SPATA22: variants seen among roughly 807,000 people sequenced by gnomAD.
SPATA22 encodes spermatogenesis-associated protein 22.
A neutral mutation model predicts 47.8 loss-of-function variants in SPATA22; 29 were observed. That is an observed-to-expected ratio of 0.61 (90% CI 0.45 to 0.83). SPATA22 has a LOEUF of 0.83. Among genes scored for constraint, SPATA22 ranks in the 40% least tolerant of loss-of-function variants. The pLI is 0.00. For synonymous variants in SPATA22, 133 were observed against 140.9 expected (o/e 0.94, Z 0.40); for missense variants, 410 against 421.7 (o/e 0.97, Z 0.24).
chr17:3,462,699 C>G lies in SPATA22; in HGVS notation c.233+8G>C. The G allele has an allele frequency of 6.2e-7, 1 of 1,610,186 alleles. No homozygotes were observed. ...CACACATCCAATGGTTTATATTTCT[C>G]CACATACCCGGTGTCCACTGTTTTC... On this transcript the variant is annotated splice_region_variant and intron_variant, in intron 4 of 8. Transcript: ENST00000572969.
chr17:3,505,260 C>T lies in SPATA22; in HGVS notation c.-74+8152G>A, dbSNP rs139066236. 4.4e-3 allele frequency among the ~76,000 whole-genome samples: 674 copies of T among 152,276 alleles called. 7 individuals carry two copies. Among genetic ancestry groups the T allele is most frequent in the African/African-American group, 0.016 (648 of 41,552 alleles). ...TTGCAACCGTAATGCTTTATGACAC[C>T]GGGGCAGGTGAAGTTATTGTCTGTC... On this transcript the variant is annotated intron_variant, in intron 1 of 8. Coordinates refer to the SPATA22 transcript ENST00000541913.
At chr17:3,491,798 C>T (rs2073830259) in intron 1 of SPATA22, among the ~76,000 whole-genome samples, 1 of 151,454 alleles carries the variant, frequency 6.6e-6, no homozygotes, top group African/African-American at 2.4e-5. Flanking sequence ...AAATTCAACA[C>T]ATTTTCTGTG....
At chr17:3,470,093 CAAAA>C (rs57432043) in intron 1 of SPATA22, among the ~76,000 whole-genome samples, 1 of 54,304 alleles carries the variant, frequency 1.8e-5, no homozygotes, top group East Asian at 6.2e-4. Flanking sequence ...GACTCCATCT[CAAAA>C]AAAAAAAAAA....
intron 1 of SPATA22, chr17:3,501,800 C>T (rs1168566327): frequency 6.6e-6 from 1 of 152,092 alleles, no homozygotes; most frequent in Non-Finnish European, 1.5e-5. Flanking sequence ...AAAATACCAA[C>T]ATATTAGCCA....
At position 3,471,391 on chromosome 17, in the gene SPATA22, C is replaced by A. The variant is rs76430945; in HGVS notation, c.-74+291G>T. On this transcript the variant is annotated intron_variant, in intron 1 of 8. Transcript: ENST00000572969. The stretch of plus-strand genomic sequence containing the variant: ...AAATTTTTAAGTGTAACATTCCACC[C>A]GCGGGACCATTGATCCTGAGGGCGG... The A allele has an allele frequency of 8.1e-4, 798 of 980,426 alleles. 6 individuals are homozygous for A. The African/African-American group carries it at 0.013, about 16-fold the overall frequency. 60.7% of individuals were successfully genotyped at this position (980,426 alleles called of 1,614,324 possible).
At chr17:3,502,451 T>C (rs539493936) in intron 1 of SPATA22, 1 of 152,222 alleles carries the variant, frequency 6.6e-6, no homozygotes, top group African/African-American at 2.4e-5. Flanking sequence ...GCAGAATTGC[T>C]ATTTTTTTCA....
chr17:3,440,979 A>G (rs1252985131), intron 8 of SPATA22: 1 of 152,042 alleles, frequency 6.6e-6, no homozygotes, highest in African/African-American at 2.4e-5. Flanking sequence ...GATTCTAGTA[A>G]CCACCCCCAC....
chr17:3,443,807 C>T (rs944348192), intron 7 of SPATA22, among the ~76,000 whole-genome samples: 1 of 151,578 alleles, frequency 6.6e-6, no homozygotes, highest in Non-Finnish European at 1.5e-5. Context: ...TTTTCATATA[C>T]CTATATATAG....
At position 3,449,029 on chromosome 17, in the gene SPATA22, C is replaced by G; in HGVS notation, c.450G>C (p.Ser150=). 1 of 1,613,870 alleles carries G rather than the reference C, an allele frequency of 6.2e-7. No individual in the cohort carries two copies. The highest frequency in any genetic ancestry group is 1.1e-5 in the South Asian group (1 of 91,066). ...NDGKNSCPVS[S]GAQQQKQLRI... ...TTAATTGTTTTTGTTGTTGAGCTCC[C>G]GAACTCACTGGACAAGAATTTTTTC... Residue 150 remains serine (S), a synonymous_variant, in exon 6 of 9, where the codon TCG becomes TCC. Transcript: ENST00000572969.
chr17:3,459,819 A>G (rs2073085691), intron 5 of SPATA22, among the ~76,000 whole-genome samples: 1 of 152,218 alleles, frequency 6.6e-6, no homozygotes, highest in Non-Finnish European at 1.5e-5. Flanking sequence ...ATAAAGTCCA[A>G]AAGAAAATAT....
chr17:3,468,387 TG>T (rs1019254774), intron 2 of SPATA22: 4 of 152,206 alleles, frequency 2.6e-5, no homozygotes, highest in Non-Finnish European at 2.9e-5. Flanking sequence ...TTGGATCTCT[TG>T]CCACTGTACC....
intron 1 of SPATA22, among the ~76,000 whole-genome samples, chr17:3,509,802 T>C (rs1228871552): frequency 6.6e-6 from 1 of 150,814 alleles, no homozygotes; most frequent in Non-Finnish European, 1.5e-5. Flanking sequence ...AGTGTTCCTA[T>C]TTCTCCACAG....
chr17:3,490,217 T>A lies in SPATA22; in HGVS notation c.-73-20819A>T, dbSNP rs1406295075. Among the ~76,000 whole-genome samples, 2 of 152,172 alleles carry A rather than the reference T, an allele frequency of 1.3e-5. No individual in the cohort carries two copies. Among genetic ancestry groups the A allele is most frequent in the Non-Finnish European group, 2.9e-5 (2 of 68,006 alleles). Reference sequence around the variant, plus strand: ...CTAATTTTGTCTTAATTATATTCAATAAGAATAATGTATTTATGTATTATT... The same window carrying A: ...CTAATTTTGTCTTAATTATATTCAAAAAGAATAATGTATTTATGTATTATT... On this transcript the variant is annotated intron_variant, in intron 1 of 8. Coordinates refer to the SPATA22 transcript ENST00000541913. The surrounding 1 kb of genome is among the most constrained non-coding windows in gnomAD (Gnocchi z 4.6).
intron 5 of SPATA22, among the ~76,000 whole-genome samples, chr17:3,453,960 T>C (rs1261700882): frequency 2.0e-5 from 3 of 152,156 alleles, no homozygotes; most frequent in African/African-American, 4.8e-5. Flanking sequence ...TGACATGATC[T>C]TGTATGTAGA....
rs1321859513 is a variant in SPATA22, at chr17:3,471,811, G to A, written c.-203C>T. The A allele has an allele frequency of 4.1e-6, 4 of 985,384 alleles. No homozygotes were observed. Among genetic ancestry groups the A allele is most frequent in the Admixed American group, 6.1e-5 (1 of 16,276 alleles). 61.0% of individuals were successfully genotyped at this position (985,384 alleles called of 1,614,324 possible). On this transcript the variant is annotated 5_prime_UTR_variant, in exon 1 of 9. Transcript: ENST00000572969. ...CGCCCTTCCCGCCCGCGAAGAAAGCGCGGGAATCAGGCTGTTCGCAGGCGC... is the reference window on the plus strand; with the variant it reads ...CGCCCTTCCCGCCCGCGAAGAAAGCACGGGAATCAGGCTGTTCGCAGGCGC...
chr17:3,450,431 A>T (rs1486181737), intron 5 of SPATA22, among the ~76,000 whole-genome samples: 2 of 152,202 alleles, frequency 1.3e-5, no homozygotes, highest in Non-Finnish European at 2.9e-5. Context: ...CCCAGAAAAA[A>T]ATTGTTAGAA....
upstream of SPATA22, among the ~76,000 whole-genome samples, chr17:3,475,256 T>C (rs1206272247): frequency 6.6e-6 from 1 of 152,150 alleles, no homozygotes; most frequent in Non-Finnish European, 1.5e-5. Context: ...AGACCCCTTT[T>C]TGAGTAACAC....
chr17:3,507,388 G>A (rs545877307), intron 1 of SPATA22, among the ~76,000 whole-genome samples: 121 of 152,320 alleles, frequency 7.9e-4, no homozygotes, highest in Non-Finnish European at 1.5e-3. Flanking sequence ...TTAAATGGAA[G>A]AAACTGTCTT....
At chr17:3,489,821 T>C (rs2073792819) in intron 1 of SPATA22, among the ~76,000 whole-genome samples, 2 of 152,222 alleles carry the variant, frequency 1.3e-5, no homozygotes, top group Admixed American at 6.5e-5. Context: ...CATCCACTTC[T>C]TAAAACACAC....
Sources: gnomAD v4.1 joint callset for allele counts (sites outside exome capture counted in the v4.1 genomes callset) on GRCh38, gnomAD v4.1.1 for gene constraint, Gnocchi (gnomAD v3.1) non-coding constraint, MANE v1.5 for transcripts, NCBI Gene and HGNC (gene_info 2026-07-23, HGNC 2026-07-21) for gene names.